MGAM: variants seen among roughly 807,000 people sequenced by gnomAD.
The protein encoded by MGAM is alpha-1,4-glucosidase.
Under a neutral mutation model 358.8 loss-of-function variants are expected in MGAM, and 253 were observed. The ratio of observed to expected loss-of-function variants is 0.71; its 90% CI spans 0.64 to 0.78. The LOEUF (loss-of-function observed/expected upper bound fraction) is 0.78, where lower values mean the gene tolerates loss of function less well. Among genes scored for constraint, MGAM ranks in the 30% least tolerant of loss-of-function variants. MGAM has a pLI of 0.00. For missense variants in MGAM, 3,080 were observed against 3,432.6 expected (o/e 0.90, Z 2.57); for synonymous variants, 1,105 against 1,227.1 (o/e 0.90, Z 2.08).
intron 1 of MGAM, among the ~76,000 whole-genome samples, chr7:141,999,676 G>T (rs1342071259): frequency 6.6e-6 from 1 of 152,088 alleles, no homozygotes; most frequent in Non-Finnish European, 1.5e-5. Context: ...TTATATATTT[G>T]TCCTATAAAA....
At chr7:141,995,632 C>T (rs374043548), upstream of MGAM, among the ~76,000 whole-genome samples, 2 of 152,126 alleles carry the variant, frequency 1.3e-5, no homozygotes, top group African/African-American at 4.8e-5. Context: ...GGTGTCCTCA[C>T]CACCGATTAA....
At chr7:142,055,859 T>C (rs915737336) in intron 28 of MGAM, 133 bp downstream of exon 28, 2 of 1,467,210 alleles carry the variant, frequency 1.4e-6, no homozygotes, top group African/African-American at 2.8e-5. Flanking sequence ...ATTCTCAGGC[T>C]CCTTTGTTTC....
intron 21 of MGAM, among the ~76,000 whole-genome samples, chr7:142,041,360 C>G (rs1304779376): frequency 2.0e-5 from 3 of 152,038 alleles, no homozygotes; most frequent in Admixed American, 1.3e-4. Flanking sequence ...AGCCAGAAAC[C>G]TGTCTTTTCT....
In MGAM at chr7:142,030,077, G is replaced by T. The variant is rs897286114; in HGVS notation, c.1222-285G>T. 28 of 347,568 alleles carry T rather than the reference G, an allele frequency of 8.1e-5. No individual in the cohort carries two copies. The South Asian group carries it at 8.2e-4, about 10-fold the overall frequency. 21.5% of individuals were successfully genotyped at this position (347,568 alleles called of 1,614,324 possible). A position where few individuals can be genotyped will look rare whatever the true frequency, so the allele number is the denominator to read the frequency against. On this transcript the variant is annotated intron_variant, in intron 10 of 70. Coordinates refer to ENST00000475668, the MANE Select transcript of MGAM (RefSeq NM_001365693.1). ...ATTGTCTTAGGGGTTTGTCATAATTGGTGTTGCTTGCTTGATTGGTTTTTA... is the reference window on the plus strand; with the variant it reads ...ATTGTCTTAGGGGTTTGTCATAATTTGTGTTGCTTGCTTGATTGGTTTTTA...
At chr7:142,012,881 T>C (rs1272228675) in intron 3 of MGAM, among the ~76,000 whole-genome samples, 2 of 152,128 alleles carry the variant, frequency 1.3e-5, no homozygotes, top group African/African-American at 4.8e-5. Flanking sequence ...CTTGGTACTC[T>C]CTCCAGCAGG....
chr7:142,093,397 G>C lies in MGAM; in HGVS notation c.7034-15G>C, dbSNP rs1288019220. The C allele has an allele frequency of 2.0e-6, 3 of 1,530,200 alleles. 1 individual carries two copies. The highest frequency in any genetic ancestry group is 2.7e-6 in the Non-Finnish European group (3 of 1,119,278). The allele number at this position is 1,530,200 out of a possible 1,614,324, so 94.8% of individuals were successfully genotyped here. On this transcript the variant is annotated splice_polypyrimidine_tract_variant and intron_variant, in intron 59 of 70. Coordinates refer to ENST00000475668, the MANE Select transcript of MGAM (RefSeq NM_001365693.1). ...ATCAGGGCTGGATTTCACCTCACCA[G>C]TTCTTCCTCCTCAGATTTGGAGTCC...
At chr7:142,025,434 CT>C (rs34189651) in intron 8 of MGAM, among the ~76,000 whole-genome samples, 7,505 of 152,210 alleles carry the variant, frequency 0.049, 413 homozygotes, top group African/African-American at 0.13. Flanking sequence ...ATAATTTACT[CT>C]GAGATAGTTT....
chr7:142,055,917 G>C, intron 28 of MGAM, 83 bp from the exon 29 acceptor site: 2 of 1,481,536 alleles, frequency 1.3e-6, no homozygotes, highest in South Asian at 1.2e-5. Context: ...CTAGAGCCAT[G>C]TTAGCAAGCA....
At chr7:141,993,404 A>C (rs1804028494), upstream of MGAM, among the ~76,000 whole-genome samples, 2 of 152,258 alleles carry the variant, frequency 1.3e-5, no homozygotes, top group African/African-American at 4.8e-5. Context: ...TCCATTTTTT[A>C]ATTATCAAGA....
At chr7:142,044,788 TATG>T (rs1192247316) in intron 21 of MGAM, among the ~76,000 whole-genome samples, 2 of 85,032 alleles carry the variant, frequency 2.4e-5, no homozygotes, top group African/African-American at 5.0e-5. Context: ...ACGTGTAATA[TATG>T]ATATATAATG....
rs762794783 is a variant in MGAM at position 142,095,630 on chromosome 7, A to G, written c.7524A>G (p.Arg2508=). 4 of 1,613,878 alleles carry G rather than the reference A, an allele frequency of 2.5e-6. No individual in the cohort carries two copies. The highest frequency in any genetic ancestry group is 1.7e-6 in the Non-Finnish European group (2 of 1,179,806). ...TTTCCAGAACTGTCCTGCAGACCAG[A>G]TACACCCTGTTGCCATATCTGTATA... ...VNISRTVLQT[R]YTLLPYLYTL... is the part of the protein sequence containing the mutation. The change falls in exon 64 of 71, where the codon AGA becomes AGG. Residue 2508 remains arginine, a synonymous_variant. Transcript: ENST00000475668.
At chr7:142,085,785 T>A in intron 54 of MGAM, 48 bp from the exon 55 acceptor site, 2 of 1,541,750 alleles carry the variant, frequency 1.3e-6, no homozygotes, top group Non-Finnish European at 1.8e-6. Context: ...CCTATAAAGC[T>A]TGGGCGTGTA....
intron 34 of MGAM, among the ~76,000 whole-genome samples, chr7:142,061,289 A>G (rs1212889856): frequency 1.3e-5 from 2 of 152,054 alleles, no homozygotes; most frequent in African/African-American, 2.4e-5. Flanking sequence ...CTTTATTCTA[A>G]TTCTCCATCC....
At chr7:141,988,249 C>T (rs1164957732) in intron 2 of MGAM, among the ~76,000 whole-genome samples, 1 of 152,072 alleles carries the variant, frequency 6.6e-6, no homozygotes, top group Non-Finnish European at 1.5e-5. Context: ...GATTGCGCCA[C>T]TGCACTTCAG....
chr7:142,046,958 G>A (rs1421252521), intron 21 of MGAM, among the ~76,000 whole-genome samples: 2 of 152,026 alleles, frequency 1.3e-5, no homozygotes, highest in East Asian at 1.9e-4. Context: ...TCTTAGAAAC[G>A]ACTGCTACTC....
intron 21 of MGAM, among the ~76,000 whole-genome samples, chr7:142,043,758 A>G (rs62650365): frequency 0.15 from 6,573 of 42,972 alleles, 1,550 homozygotes; most frequent in Admixed American, 0.22. Context: ...CACATACGAC[A>G]TATAATATAT....
intron 2 of MGAM, among the ~76,000 whole-genome samples, chr7:142,007,402 T>C (rs1554452771): frequency 6.6e-6 from 1 of 152,054 alleles, no homozygotes; most frequent in Non-Finnish European, 1.5e-5. Flanking sequence ...AACCAGGCAA[T>C]CAAGTGTTAA....
intron 57 of MGAM, among the ~76,000 whole-genome samples, chr7:142,090,839 C>A (rs1182900291): frequency 6.8e-6 from 1 of 146,624 alleles, no homozygotes; most frequent in African/African-American, 2.4e-5. Flanking sequence ...CACCATTAAA[C>A]AGTGAGTATA....
In MGAM at chr7:142,030,767, T is replaced by C. The variant is rs782740882; in HGVS notation, c.1470+10T>C. On this transcript the variant is annotated intron_variant, in intron 12 of 70. Transcript: ENST00000475668. ...TCCACTCATTGGGGAGGTAACTTAATGGGAAGGCTGGAGGCTGGTGGAGGG... is the reference window on the plus strand; with the variant it reads ...TCCACTCATTGGGGAGGTAACTTAACGGGAAGGCTGGAGGCTGGTGGAGGG... 1.9e-6 allele frequency: 3 copies of C among 1,567,710 alleles called. No individual in the cohort carries two copies. The highest frequency in any genetic ancestry group is 2.6e-6 in the Non-Finnish European group (3 of 1,138,034).
Sources: gnomAD v4.1 joint callset for allele counts (sites outside exome capture counted in the v4.1 genomes callset) on GRCh38, gnomAD v4.1.1 for gene constraint, MANE v1.5 for transcripts, NCBI Gene and HGNC (gene_info 2026-07-23, HGNC 2026-07-21) for gene names.